MAGOH: variants seen among roughly 807,000 people sequenced by gnomAD.
MAGOH encodes the protein protein mago nashi homolog.
In MAGOH, 3 loss-of-function variants were observed where a neutral mutation model predicts 20.9. The observed-to-expected ratio is 0.14, with a 90% confidence interval of 0.07 to 0.37. MAGOH has a LOEUF of 0.37. MAGOH is among the 10% of genes least tolerant of loss of function. The probability of loss-of-function intolerance (pLI) is 1.00; values close to 1 mark genes in which losing one functional copy is unlikely to be tolerated. For missense variants in MAGOH, 66 were observed against 178.1 expected, an observed-to-expected ratio of 0.37 and a Z score of 3.58; for synonymous variants, 51 against 61.0, an observed-to-expected ratio of 0.84 and a Z score of 0.76.
chr1:53,237,557 C>T (rs1440082270), intron 1 of MAGOH, among the ~76,000 whole-genome samples: 1 of 150,782 alleles, frequency 6.6e-6, no homozygotes, highest in Non-Finnish European at 1.5e-5. Context: ...GCCTATAATT[C>T]CAGCTACTCG....
chr1:53,238,491 C>T lies in MAGOH; in HGVS notation c.-43G>A. On this transcript the variant is annotated 5_prime_UTR_variant, in exon 1 of 5. Coordinates refer to ENST00000371470, the MANE Select transcript of MAGOH (RefSeq NM_002370.4). ...CGAGCCTGAACTTCCAAGAGCAAGC[C>T]GCACTGCCGCCGTCTGCGCCCGACA... The T allele has an allele frequency of 2.6e-6, 4 of 1,558,824 alleles. No individual in the cohort carries two copies. The highest frequency in any genetic ancestry group is 3.5e-6 in the Non-Finnish European group (4 of 1,129,848).
chr1:53,228,706 T>A (rs1030745041), intron 4 of MAGOH, among the ~76,000 whole-genome samples, 166 bp downstream of exon 4: 2 of 152,202 alleles, frequency 1.3e-5, no homozygotes, highest in Admixed American at 6.5e-5. Flanking sequence ...TAGGAGCAAG[T>A]CCTCAAAAAT....
intron 3 of MAGOH, among the ~76,000 whole-genome samples, chr1:53,230,327 AAAT>A (rs1457744724): frequency 1.3e-5 from 2 of 152,178 alleles, no homozygotes; most frequent in Non-Finnish European, 2.9e-5. Context: ...AAAAGAAGTA[AAAT>A]ATTACAAAGT....
chr1:53,237,438 G>A (rs1645617620), intron 1 of MAGOH, among the ~76,000 whole-genome samples: 1 of 150,600 alleles, frequency 6.6e-6, no homozygotes, highest in African/African-American at 2.4e-5. Context: ...ACTTTGGGAC[G>A]CCGAGGCGGG....
At chr1:53,235,044 A>C (rs575601053) in intron 2 of MAGOH, among the ~76,000 whole-genome samples, 1 of 152,306 alleles carries the variant, frequency 6.6e-6, no homozygotes, top group South Asian at 2.1e-4. Flanking sequence ...CTCCCCCATC[A>C]CATGGGCTTA....
intron 1 of MAGOH, among the ~76,000 whole-genome samples, chr1:53,236,815 G>C (rs940893627): frequency 6.6e-6 from 1 of 152,126 alleles, no homozygotes; most frequent in African/African-American, 2.4e-5. Context: ...TGTCATCTTT[G>C]ATTGCTCTTT....
At chr1:53,227,545 T>C (rs1359958403) in intron 4 of MAGOH, among the ~76,000 whole-genome samples, 1 of 152,196 alleles carries the variant, frequency 6.6e-6, no homozygotes, top group East Asian at 1.9e-4. Context: ...TGTTTTGTTT[T>C]GTTTTGTTTT....
Position 53,227,961 on chromosome 1 carries a change from A to G in MAGOH, c.342-817T>C, listed in dbSNP as rs116135375. On this transcript the variant is annotated intron_variant, in intron 4 of 4. Transcript: ENST00000371470. ...AAGACAATTACGCCCAACATTTGCC[A>G]AAAGTGAGCCGTACCTAATCCTGAA... Among the ~76,000 whole-genome samples the G allele has an allele frequency of 8.9e-3, 1,359 of 152,314 alleles. 23 individuals are homozygous for G. Among genetic ancestry groups the G allele is most frequent in the African/African-American group, 0.031 (1,297 of 41,568 alleles).
At position 53,238,500 on chromosome 1, in the gene MAGOH, G is replaced by A. The variant is rs1347044826; in HGVS notation, c.-52C>T. The A allele has an allele frequency of 4.6e-6, 7 of 1,509,820 alleles. No homozygotes were observed. Among genetic ancestry groups the A allele is most frequent in the African/African-American group, 1.4e-5 (1 of 72,884 alleles). 93.5% of individuals were successfully genotyped at this position (1,509,820 alleles called of 1,614,324 possible). A position where few individuals can be genotyped will look rare whatever the true frequency, so the allele number is the denominator to read the frequency against. The stretch of plus-strand genomic sequence containing the variant: ...ACTTCCAAGAGCAAGCCGCACTGCC[G>A]CCGTCTGCGCCCGACACTGACGTTT... On this transcript the variant is annotated 5_prime_UTR_variant, in exon 1 of 5. Transcript: ENST00000371470.
chr1:53,229,795 C>T (rs61769616), intron 3 of MAGOH, among the ~76,000 whole-genome samples: 1,832 of 152,096 alleles, frequency 0.012, 27 homozygotes, highest in East Asian at 0.075. Context: ...GGTGTGCATC[C>T]GTGGTCCCAG....
chr1:53,228,084 C>T (rs1386908360), intron 4 of MAGOH, among the ~76,000 whole-genome samples: 1 of 152,154 alleles, frequency 6.6e-6, no homozygotes, highest in African/African-American at 2.4e-5. Context: ...CCACTGACAA[C>T]ATGAATTTTA....
At chr1:53,230,120 G>A (rs1432520198) in intron 3 of MAGOH, among the ~76,000 whole-genome samples, 1 of 152,164 alleles carries the variant, frequency 6.6e-6, no homozygotes, top group Non-Finnish European at 1.5e-5. Flanking sequence ...CAGTGCTTTG[G>A]ACAGATAAGT....
chr1:53,228,038 A>C (rs903237979), intron 4 of MAGOH, among the ~76,000 whole-genome samples: 3 of 152,218 alleles, frequency 2.0e-5, no homozygotes, highest in African/African-American at 7.2e-5. Context: ...GATTCTTTGT[A>C]GCACATAGGT....
intron 3 of MAGOH, 83 bp from the exon 4 acceptor site, chr1:53,229,037 A>G: frequency 1.1e-6 from 1 of 948,780 alleles, no homozygotes. Flanking sequence ...TTGCCAAATC[A>G]CACAAACTTG....
At chr1:53,237,605 C>T (rs2100311078) in intron 1 of MAGOH, among the ~76,000 whole-genome samples, 1 of 135,956 alleles carries the variant, frequency 7.4e-6, no homozygotes, top group African/African-American at 2.8e-5. Flanking sequence ...ACCCGGGAGG[C>T]GGAGGTTGCA....
chr1:53,233,849 T>A (rs1433474142), intron 2 of MAGOH, 197 bp from the exon 3 acceptor site: 1 of 505,880 alleles, frequency 2.0e-6, no homozygotes, highest in Non-Finnish European at 3.6e-6. Context: ...TGCACCTCAG[T>A]CCCCTATCTA....
At chr1:53,227,199 C>G in intron 4 of MAGOH, 55 bp from the exon 5 acceptor site, 1 of 937,394 alleles carries the variant, frequency 1.1e-6, no homozygotes, top group Non-Finnish European at 1.6e-6. Context: ...CATCAAGTGT[C>G]CCTAAAAAGG....
rs1433164487 is a variant in MAGOH at position 53,228,842 on chromosome 1, C to T, written c.341+30G>A. ...TTATCAATCTGCTCCAAAACAGACA[C>T]AACTGGATATAAGGATCATGCACAC... On this transcript the variant is annotated intron_variant, in intron 4 of 4. Transcript: ENST00000371470. The T allele has an allele frequency of 7.3e-6, 11 of 1,511,242 alleles. No homozygotes were observed. In the African/African-American group the frequency reaches 1.4e-4, roughly 19 times the overall value. The allele number at this position is 1,511,242 out of a possible 1,614,324, so 93.6% of individuals were successfully genotyped here.
rs187097279 is a variant in MAGOH at position 53,227,002 on chromosome 1, T to G, written c.*43A>C. The G allele has an allele frequency of 2.2e-4, 232 of 1,047,856 alleles. No individual in the cohort carries two copies. Among genetic ancestry groups the G allele is most frequent in the Non-Finnish European group, 3.0e-4 (213 of 705,036 alleles). The allele number at this position is 1,047,856 out of a possible 1,614,324, so 64.9% of individuals were successfully genotyped here. On this transcript the variant is annotated 3_prime_UTR_variant, in exon 5 of 5. Coordinates refer to ENST00000371470, the MANE Select transcript of MAGOH (RefSeq NM_002370.4). The stretch of plus-strand genomic sequence containing the variant: ...AATACTGCCCTGATATACACAAAAT[T>G]TTCTACTCCCACCCACCCCCCATGT...
Sources: allele counts gnomAD v4.1 joint callset (sites outside exome capture counted in the v4.1 genomes callset), GRCh38; gene constraint gnomAD v4.1.1; transcripts MANE v1.5; gene names NCBI Gene and HGNC (gene_info 2026-07-23, HGNC 2026-07-21).